NCBP3: variants seen among roughly 807,000 people sequenced by gnomAD.
The protein encoded by NCBP3 is nuclear cap binding subunit 3, also known as nuclear cap-binding protein subunit 3.
Under a neutral mutation model 75.7 loss-of-function variants are expected in NCBP3, and 20 were observed. The observed-to-expected ratio is 0.26, with a 90% CI of 0.19 to 0.38. The LOEUF (loss-of-function observed/expected upper bound fraction) is 0.38. Ranked by LOEUF, NCBP3 falls within the 10% of genes least tolerant of loss-of-function variation. The pLI is 1.00. For missense variants in NCBP3, 678 were observed against 796.9 expected (o/e 0.85, Z 1.80); for synonymous variants, 293 against 290.5 (o/e 1.01, Z -0.09).
intron 3 of NCBP3, among the ~76,000 whole-genome samples, chr17:3,837,614 G>A (rs1185922981): frequency 5.4e-5 from 8 of 147,000 alleles, no homozygotes; most frequent in Non-Finnish European, 9.0e-5. Flanking sequence ...TGCACCTGTA[G>A]TCCCAGCTAC....
rs2053303566 is a variant in NCBP3, at chr17:3,803,758, C to A, written c.*9286G>T. On this transcript the variant is annotated 3_prime_UTR_variant, in exon 13 of 13. Coordinates refer to ENST00000389005, the MANE Select transcript of NCBP3 (RefSeq NM_001114118.3). ...AATTTTTTTCTTTCTCCCCTTGATACCAGGAAGAATAAAGTTTTTAAAAAA... is the reference window on the plus strand; with the variant it reads ...AATTTTTTTCTTTCTCCCCTTGATAACAGGAAGAATAAAGTTTTTAAAAAA... 1 of 152,020 alleles carries A rather than the reference C, an allele frequency of 6.6e-6. No individual in the cohort carries two copies. Among genetic ancestry groups the A allele is most frequent in the Admixed American group, 6.5e-5 (1 of 15,268 alleles). 9.4% of individuals were successfully genotyped at this position (152,020 alleles called of 1,614,324 possible).
chr17:3,846,208 C>G lies in NCBP3; in HGVS notation c.16G>C (p.Gly6Arg), dbSNP rs1346996489. ...TCCGCCTTCACCGACACCCGCAGGC[C>G]CCGTACGGCCGCCATCGCTGCCTGC... The part of the protein sequence containing the change: MAAVR[G>R]LRVSVKAEAP... Residue 6 changes from glycine (G) to arginine (R), a missense_variant, in exon 1 of 13, where the codon GGC becomes CGC. Transcript: ENST00000389005. The surrounding 1 kb of genome is among the most constrained non-coding windows in gnomAD (Gnocchi z 4.6). 4 of 1,454,464 alleles carry G rather than the reference C, an allele frequency of 2.8e-6. No individual in the cohort carries two copies. The highest frequency in any genetic ancestry group is 3.6e-6 in the Non-Finnish European group (4 of 1,108,336). The allele number at this position is 1,454,464 out of a possible 1,614,324, so 90.1% of individuals were successfully genotyped here.
chr17:3,803,874 G>A lies in NCBP3; in HGVS notation c.*9170C>T, dbSNP rs1417357180. 1 of 152,160 alleles carries A rather than the reference G, an allele frequency of 6.6e-6. No homozygotes were observed. Among genetic ancestry groups the A allele is most frequent in the Non-Finnish European group, 1.5e-5 (1 of 68,042 alleles). The allele number at this position is 152,160 out of a possible 1,614,324, so 9.4% of individuals were successfully genotyped here. A position where few individuals can be genotyped will look rare whatever the true frequency, so the allele number is the denominator to read the frequency against. On this transcript the variant is annotated 3_prime_UTR_variant, in exon 13 of 13. Coordinates refer to ENST00000389005, the MANE Select transcript of NCBP3 (RefSeq NM_001114118.3). ...GCGGATCACAAAGTCAGGAGATCGA[G>A]ACCATCCTGGCTAACACGGTGAAAC...
At chr17:3,841,023 T>C (rs1017461694) in intron 2 of NCBP3, among the ~76,000 whole-genome samples, 3 of 152,168 alleles carry the variant, frequency 2.0e-5, no homozygotes, top group Non-Finnish European at 2.9e-5. Context: ...ACTCTCACTC[T>C]GTCGCCAGGC....
intron 3 of NCBP3, among the ~76,000 whole-genome samples, chr17:3,837,934 G>A (rs1871459085): frequency 2.0e-5 from 3 of 151,840 alleles, no homozygotes; most frequent in African/African-American, 7.2e-5. Context: ...CGACCTTACT[G>A]CCTTTTTTAG....
intron 5 of NCBP3, 38 bp downstream of exon 5, chr17:3,826,049 G>T: frequency 1.9e-6 from 3 of 1,539,410 alleles, no homozygotes; most frequent in Non-Finnish European, 2.6e-6. Context: ...GTAAAGAAGA[G>T]GACTTTCAGA....
chr17:3,829,628 A>G (rs2053843911), intron 3 of NCBP3, among the ~76,000 whole-genome samples: 1 of 152,222 alleles, frequency 6.6e-6, no homozygotes, highest in African/African-American at 2.4e-5. Context: ...AAAATACACG[A>G]TACCTCTCCC....
At position 3,806,716 on chromosome 17, in the gene NCBP3, T is replaced by C. The variant is rs1408446886; in HGVS notation, c.*6328A>G. ...TCTGTGAAATGTTCATAGAGCTTCA[T>C]TGAAAAAAAAAAAAAAAAAAAAGCT... On this transcript the variant is annotated 3_prime_UTR_variant, in exon 13 of 13. Transcript: ENST00000389005. 1.5e-5 allele frequency: 2 copies of C among 135,306 alleles called. No homozygotes were observed. The highest frequency in any genetic ancestry group is 3.1e-5 in the Non-Finnish European group (2 of 65,528). The allele number at this position is 135,306 out of a possible 1,614,324, so 8.4% of individuals were successfully genotyped here.
At chr17:3,841,420 C>A (rs750080798) in intron 2 of NCBP3, among the ~76,000 whole-genome samples, 1 of 152,158 alleles carries the variant, frequency 6.6e-6, no homozygotes, top group Non-Finnish European at 1.5e-5. Context: ...CTAGTACAAA[C>A]AACAATTTAC....
At chr17:3,831,272 A>T (rs1432586336) in intron 3 of NCBP3, among the ~76,000 whole-genome samples, 1 of 151,944 alleles carries the variant, frequency 6.6e-6, no homozygotes, top group Non-Finnish European at 1.5e-5. Flanking sequence ...ATTTGTAAAT[A>T]TATCAATAAA....
chr17:3,816,320 G>A (rs568097663), intron 10 of NCBP3, 50 bp from the exon 11 acceptor site: 26 of 1,520,490 alleles, frequency 1.7e-5, no homozygotes, highest in Non-Finnish European at 2.2e-5. Flanking sequence ...TCAACTGTGA[G>A]ACAAGACCCA....
intron 7 of NCBP3, among the ~76,000 whole-genome samples, chr17:3,823,633 G>C (rs938585764): frequency 6.6e-6 from 1 of 151,934 alleles, no homozygotes; most frequent in Non-Finnish European, 1.5e-5. Context: ...ATGTTGCCTA[G>C]CCTGGTCTCG....
chr17:3,821,460 T>C, intron 8 of NCBP3, 108 bp from the exon 9 acceptor site: 1 of 838,834 alleles, frequency 1.2e-6, no homozygotes, highest in South Asian at 1.6e-5. Context: ...TCTCAATCTC[T>C]CTCCCAGGCT....
Position 3,804,126 on chromosome 17 carries a change from G to A in NCBP3, c.*8918C>T, listed in dbSNP as rs773926904. ...AGTCACAGTTACTTAAGAGGTTCAA[G>A]CTACTTGGGAAAGCTTGAGCCCAGG... On this transcript the variant is annotated 3_prime_UTR_variant, in exon 13 of 13. Coordinates refer to ENST00000389005, the MANE Select transcript of NCBP3 (RefSeq NM_001114118.3). 1 of 152,216 alleles carries A rather than the reference G, an allele frequency of 6.6e-6. No homozygotes were observed. The highest frequency in any genetic ancestry group is 1.5e-5 in the Non-Finnish European group (1 of 68,038). 9.4% of individuals were successfully genotyped at this position (152,216 alleles called of 1,614,324 possible). A position where few individuals can be genotyped will look rare whatever the true frequency, so the allele number is the denominator to read the frequency against.
chr17:3,814,524 C>T, intron 11 of NCBP3, 41 bp from the exon 12 acceptor site: 5 of 1,606,374 alleles, frequency 3.1e-6, no homozygotes, highest in Non-Finnish European at 3.4e-6. Flanking sequence ...CGTGTGTGTG[C>T]TTTATGCTCG....
In NCBP3 at chr17:3,807,257, T is replaced by C. The variant is rs371360827; in HGVS notation, c.*5787A>G. 1.3e-5 allele frequency: 2 copies of C among 152,360 alleles called. No individual in the cohort carries two copies. Among genetic ancestry groups the C allele is most frequent in the African/African-American group, 4.8e-5 (2 of 41,582 alleles). The allele number at this position is 152,360 out of a possible 1,614,324, so 9.4% of individuals were successfully genotyped here. Reference sequence around the variant, plus strand: ...CCTGCCTACCAGCTTCCTCTACTTCTATCCCGGGACAGATGAATGCTTTTC... The same window carrying C: ...CCTGCCTACCAGCTTCCTCTACTTCCATCCCGGGACAGATGAATGCTTTTC... On this transcript the variant is annotated 3_prime_UTR_variant, in exon 13 of 13. Coordinates refer to ENST00000389005, the MANE Select transcript of NCBP3 (RefSeq NM_001114118.3).
Position 3,843,088 on chromosome 17 carries a change from T to C in NCBP3, c.247A>G (p.Lys83Glu). The C allele has an allele frequency of 6.4e-7, 1 of 1,550,774 alleles. No individual in the cohort carries two copies. The highest frequency in any genetic ancestry group is 8.7e-7 in the Non-Finnish European group (1 of 1,146,144). Residue 83 changes from lysine (K) to glutamate (E), a missense_variant and splice_region_variant, in exon 2 of 13, where the codon AAG (lysine) becomes GAG (glutamate). Coordinates refer to ENST00000389005, the MANE Select transcript of NCBP3 (RefSeq NM_001114118.3). ...SFITGIDVTS[K>E]EAIEKKEQRA... The stretch of plus-strand genomic sequence containing the variant: ...AAATAAATCATAGCCTGTCTTACCT[T>C]GGAGGTGACATCAATTCCAGTGATG...
At position 3,812,921 on chromosome 17, in the gene NCBP3, G is replaced by C; in HGVS notation, c.*123C>G. On this transcript the variant is annotated 3_prime_UTR_variant, in exon 13 of 13. Coordinates refer to ENST00000389005, the MANE Select transcript of NCBP3 (RefSeq NM_001114118.3). The stretch of plus-strand genomic sequence containing the variant: ...GATGTCTTGCCGAAGTAGCAAGAGC[G>C]GAGGGTGACTGTGTGAGCAGGAGCG... The C allele has an allele frequency of 1.3e-6, 2 of 1,507,336 alleles. No individual in the cohort carries two copies. The highest frequency in any genetic ancestry group is 1.8e-6 in the Non-Finnish European group (2 of 1,132,774). The allele number at this position is 1,507,336 out of a possible 1,614,324, so 93.4% of individuals were successfully genotyped here.
Position 3,824,922 on chromosome 17 carries a change from A to G in NCBP3, c.796+20T>C. On this transcript the variant is annotated intron_variant, in intron 7 of 12. Transcript: ENST00000389005. ...TCATTTTGATTGAAAATATAAAACA[A>G]TACCAAATATTACATTTACCTTTTG... 2 of 1,312,996 alleles carry G rather than the reference A, an allele frequency of 1.5e-6. No homozygotes were observed. Among genetic ancestry groups the G allele is most frequent in the Non-Finnish European group, 2.1e-6 (2 of 945,276 alleles). The allele number at this position is 1,312,996 out of a possible 1,614,324, so 81.3% of individuals were successfully genotyped here. A position where few individuals can be genotyped will look rare whatever the true frequency, so the allele number is the denominator to read the frequency against.
Sources: gnomAD v4.1 joint callset for allele counts (sites outside exome capture counted in the v4.1 genomes callset) on GRCh38, gnomAD v4.1.1 for gene constraint, Gnocchi (gnomAD v3.1) non-coding constraint, MANE v1.5 for transcripts, NCBI Gene and HGNC (gene_info 2026-07-23, HGNC 2026-07-21) for gene names.